The following SYNPO variants were observed in gnomAD, a reference collection of about 807,000 sequenced individuals.
The protein encoded by SYNPO is synaptopodin.
SYNPO carries 19 observed loss-of-function variants against 49.5 expected under a neutral mutation model. That is an observed-to-expected ratio of 0.38 (90% CI 0.27 to 0.56). The LOEUF (loss-of-function observed/expected upper bound fraction) is 0.56, where lower values mean the gene tolerates loss of function less well. SYNPO is among the 20% of genes least tolerant of loss of function. SYNPO has a pLI of 0.68. For missense variants in SYNPO, 1,131 were observed against 1,248.3 expected (o/e 0.91, Z 1.42); for synonymous variants, 536 against 548.0 (o/e 0.98, Z 0.31).
At chr5:150,614,376 G>T (rs537459563) in intron 1 of SYNPO, among the ~76,000 whole-genome samples, 38 of 152,302 alleles carry the variant, frequency 2.5e-4, no homozygotes, top group East Asian at 5.8e-4. Flanking sequence ...TGTCTTGGCC[G>T]GCCCTCAGAC....
intron 1 of SYNPO, among the ~76,000 whole-genome samples, chr5:150,644,065 C>T (rs1189588194): frequency 6.6e-6 from 1 of 151,560 alleles, no homozygotes; most frequent in Non-Finnish European, 1.5e-5. Context: ...GTCCCAGTTA[C>T]TCAGGAGGCT....
At position 150,656,943 on chromosome 5, in the gene SYNPO, G is replaced by A. The variant is rs200576413; in HGVS notation, c.2568G>A (p.Thr856=). The part of the protein sequence containing the change: ...PRPFLYRRSP[T]DSDVSLDSED... ...CCTTCCTCTACCGCCGCTCGCCCAC[G>A]GACTCCGACGTGTCCCTCGACTCCG... Residue 856 remains threonine (T), a synonymous_variant, in exon 3 of 3, where the codon ACG becomes ACA. Coordinates refer to ENST00000307662, the MANE Select transcript of SYNPO (RefSeq NM_007286.6). The A allele has an allele frequency of 6.6e-4, 1,041 of 1,583,218 alleles. 1 individual carries two copies. Among genetic ancestry groups the A allele is most frequent in the Admixed American group, 2.4e-3 (133 of 56,442 alleles).
At chr5:150,642,222 G>A (rs1357088576) in intron 1 of SYNPO, among the ~76,000 whole-genome samples, 1 of 152,206 alleles carries the variant, frequency 6.6e-6, no homozygotes, top group Middle Eastern at 3.2e-3. Context: ...CTGTGCTGGG[G>A]CTTCTCGCCT....
upstream of SYNPO, among the ~76,000 whole-genome samples, chr5:150,597,783 C>T (rs536323046): frequency 8.5e-5 from 13 of 152,258 alleles, no homozygotes; most frequent in African/African-American, 1.2e-4. Context: ...GCACTACAGG[C>T]GCATGCCACC....
At chr5:150,646,494 C>T (rs566260752) in intron 1 of SYNPO, among the ~76,000 whole-genome samples, 10 of 151,480 alleles carry the variant, frequency 6.6e-5, no homozygotes, top group East Asian at 6.0e-4. Flanking sequence ...CTGAGGTGGG[C>T]GGATCACTTG....
At chr5:150,651,423 G>A in intron 2 of SYNPO, 1 of 1,000,498 alleles carries the variant, frequency 1.0e-6, no homozygotes, top group Non-Finnish European at 1.2e-6. Context: ...TGAGAGGATA[G>A]GCTGGTGCTT....
In SYNPO at chr5:150,648,417, C is replaced by T; in HGVS notation, c.142C>T (p.Arg48Ter). The change falls in exon 2 of 3, where the codon CGA becomes TGA. Residue 48 changes from arginine to a stop codon, truncating the protein, a stop_gained. Coordinates refer to ENST00000307662, the MANE Select transcript of SYNPO (RefSeq NM_007286.6). LOFTEE classifies it high-confidence loss of function. This position sits in a 1 kb window ranked among gnomAD's most constrained non-coding sequence, Gnocchi z 5.0. ...CAATGGGCTGCACCTGTCCCAAAAC[C>T]GAGAGGCCCAGCAGTCCTCACCGGC... ...TANGLHLSQN[R>*]EAQQSSPAPP... is the part of the protein sequence containing the mutation. 6.2e-7 allele frequency: 1 copy of T among 1,614,174 alleles called. No homozygotes were observed. The highest frequency in any genetic ancestry group is 8.5e-7 in the Non-Finnish European group (1 of 1,180,032).
intron 1 of SYNPO, among the ~76,000 whole-genome samples, chr5:150,611,042 T>C (rs752615701): frequency 4.6e-5 from 7 of 152,220 alleles, no homozygotes; most frequent in Non-Finnish European, 1.0e-4. Flanking sequence ...AATAGTGAAC[T>C]TGAAATGCAT....
At chr5:150,647,562 G>A (rs1758149496) in intron 1 of SYNPO, among the ~76,000 whole-genome samples, 1 of 152,238 alleles carries the variant, frequency 6.6e-6, no homozygotes, top group Non-Finnish European at 1.5e-5. Context: ...GCAAGCCAGT[G>A]TGGCAGAGCC....
intron 2 of SYNPO, among the ~76,000 whole-genome samples, chr5:150,628,778 C>T (rs984644459): frequency 6.6e-6 from 1 of 152,184 alleles, no homozygotes; most frequent in African/African-American, 2.4e-5. Context: ...AATGGTGGTG[C>T]ATGCCTGTAA....
chr5:150,641,502 A>C (rs949472823), intron 1 of SYNPO, among the ~76,000 whole-genome samples: 4 of 152,038 alleles, frequency 2.6e-5, no homozygotes, highest in African/African-American at 9.7e-5. Context: ...ATTTCCTTGA[A>C]TTCTCCCTGT....
At chr5:150,625,341 A>G (rs76425915) in intron 2 of SYNPO, among the ~76,000 whole-genome samples, 3,859 of 152,292 alleles carry the variant, frequency 0.025, 155 homozygotes, top group African/African-American at 0.087. Flanking sequence ...TCTGCCCAGA[A>G]TTGACCAACA....
At chr5:150,647,877 G>T (rs1446059272) in intron 1 of SYNPO, 67 bp from the exon 2 acceptor site, 1 of 1,435,084 alleles carries the variant, frequency 7.0e-7, no homozygotes, top group East Asian at 2.5e-5. Flanking sequence ...CTGTCTGCCT[G>T]TTTGTCCGTG....
chr5:150,642,288 C>T (rs1012823701), intron 1 of SYNPO, among the ~76,000 whole-genome samples: 1 of 152,226 alleles, frequency 6.6e-6, no homozygotes, highest in African/African-American at 2.4e-5. Context: ...CCCCAGGCAG[C>T]TTTTCATTGT....
intron 2 of SYNPO, chr5:150,652,340 C>G: frequency 1.0e-6 from 1 of 989,368 alleles, no homozygotes. Flanking sequence ...GCCTCAAATC[C>G]GTCTTGCTTC....
In SYNPO at chr5:150,643,292, C is replaced by T. The variant is rs80009816; in HGVS notation, c.-333+2438C>T. Among the ~76,000 whole-genome samples, 1,111 of 152,316 alleles carry T rather than the reference C, an allele frequency of 7.3e-3. 38 individuals are homozygous for T. In the East Asian group the frequency reaches 0.099, roughly 14 times the overall value. On this transcript the variant is annotated intron_variant, in intron 1 of 2. Coordinates refer to ENST00000307662, the MANE Select transcript of SYNPO (RefSeq NM_007286.6). ...TTACCTCTCTGAGCCGTAGATTTCTCATCAATAAAGTGTGCATAATAATAG... is the reference window on the plus strand; with the variant it reads ...TTACCTCTCTGAGCCGTAGATTTCTTATCAATAAAGTGTGCATAATAATAG...
chr5:150,623,930 C>A (rs942865463), intron 2 of SYNPO, among the ~76,000 whole-genome samples: 2 of 152,220 alleles, frequency 1.3e-5, no homozygotes, highest in Non-Finnish European at 2.9e-5. Context: ...AGGGTACTTG[C>A]CATCAGTCCT....
the SYNPO span, among the ~76,000 whole-genome samples, chr5:150,595,900 A>G: frequency 6.7e-6 from 1 of 149,270 alleles, no homozygotes; most frequent in Non-Finnish European, 1.5e-5. Context: ...AGTCGGCCCA[A>G]CGGAGCCAGG....
upstream of SYNPO, among the ~76,000 whole-genome samples, chr5:150,636,143 C>G (rs572782458): frequency 1.3e-5 from 2 of 152,172 alleles, no homozygotes; most frequent in South Asian, 4.2e-4. Flanking sequence ...GGTGCCTGGC[C>G]CTTAGTTGGT....
Sources: allele counts gnomAD v4.1 joint callset (sites outside exome capture counted in the v4.1 genomes callset), GRCh38; gene constraint gnomAD v4.1.1; non-coding constraint Gnocchi (gnomAD v3.1); transcripts MANE v1.5; gene names NCBI Gene and HGNC (gene_info 2026-07-23, HGNC 2026-07-21).